Variants in C16orf96 observed in about 807,000 individuals in gnomAD.
C16orf96 encodes the protein chromosome 16 open reading frame 96, also known as uncharacterized protein C16orf96.
Under a neutral mutation model 103.6 loss-of-function variants are expected in C16orf96, and 108 were observed. The observed-to-expected ratio is 1.04, with a 90% CI of 0.89 to 1.22. The LOEUF is 1.22. Among genes scored for constraint, C16orf96 ranks in the 50% most tolerant of loss-of-function variants. The pLI, the probability that C16orf96 is intolerant of heterozygous loss-of-function variation, is 0.00. For missense variants in C16orf96, 1,586 were observed against 1,464.2 expected (o/e 1.08, Z -1.36); for synonymous variants, 566 against 593.5 (o/e 0.95, Z 0.67).
At chr16:4,539,797 A>G in the C16orf96 span, among the ~76,000 whole-genome samples, 210 of 152,284 alleles carry the variant, frequency 1.4e-3, 5 homozygotes, top group Admixed American at 0.013. Context: ...GTAAAACCTA[A>G]GATTGGTACT....
rs1197439120 is a variant in C16orf96, at chr16:4,575,199, T to C, written c.719T>C (p.Leu240Pro). ...GAAATTGGTTCATCACCACTGGACCTGTGGCAGTCTGTAGAGCAGCTCCCA... is the reference window on the plus strand; with the variant it reads ...GAAATTGGTTCATCACCACTGGACCCGTGGCAGTCTGTAGAGCAGCTCCCA... Reference protein sequence around the residue: ...TSEIGSSPLDLWQSVEQLPEA... With the variant: ...TSEIGSSPLDPWQSVEQLPEA... The change falls in exon 5 of 16, where the codon CTG (leucine) becomes CCG (proline). Residue 240 changes from leucine (L) to proline (P), a missense_variant. Physicochemically the swap from Leu to Pro is moderately conservative, Grantham distance 98. Transcript: ENST00000444310. The C allele has an allele frequency of 6.5e-7, 1 of 1,547,004 alleles. No individual in the cohort carries two copies. The highest frequency in any genetic ancestry group is 8.7e-7 in the Non-Finnish European group (1 of 1,146,912).
At chr16:4,562,461 CA>C (rs71402546) in intron 1 of C16orf96, among the ~76,000 whole-genome samples, 22 of 141,994 alleles carry the variant, frequency 1.5e-4, no homozygotes, top group African/African-American at 2.1e-4. Flanking sequence ...AAGACTGTGT[CA>C]AAAAAAAAAA....
At chr16:4,574,477 C>T (rs111815077) in intron 2 of C16orf96, among the ~76,000 whole-genome samples, 2 of 150,874 alleles carry the variant, frequency 1.3e-5, no homozygotes, top group Admixed American at 6.6e-5. Flanking sequence ...CCACCTTGAC[C>T]TCTCAAAGTG....
chr16:4,575,159 C>G lies in C16orf96; in HGVS notation c.694-15C>G. The stretch of plus-strand genomic sequence containing the variant: ...GCTGGAAGCCAGCAGAGCCCCTCTG[C>G]CCCCTCTTCTGCAGGAAATTGGTTC... On this transcript the variant is annotated splice_polypyrimidine_tract_variant and intron_variant, in intron 4 of 15. Transcript: ENST00000444310. The G allele has an allele frequency of 1.3e-6, 2 of 1,545,076 alleles. No individual in the cohort carries two copies. Among genetic ancestry groups the G allele is most frequent in the Non-Finnish European group, 1.7e-6 (2 of 1,146,270 alleles).
At chr16:4,550,671 G>A in the C16orf96 span, among the ~76,000 whole-genome samples, 3 of 152,158 alleles carry the variant, frequency 2.0e-5, no homozygotes, top group African/African-American at 7.2e-5. Flanking sequence ...TACGTGGAGG[G>A]TTTAAGGCAC....
rs2059504420 is a variant in C16orf96, at chr16:4,576,137, C to T, written c.1657C>T (p.Gln553Ter). The change falls in exon 5 of 16, where the codon CAG becomes TAG. Residue 553 changes from glutamine to a stop codon, truncating the protein, a stop_gained. Coordinates refer to ENST00000444310, the MANE Select transcript of C16orf96 (RefSeq NM_001145011.2). LOFTEE classifies it high-confidence loss of function. The part of the protein sequence containing the change: ...VGKDGAPKEA[Q>*]PKAPQSALHR... Reference sequence around the variant, plus strand: ...CAAGGATGGGGCCCCCAAGGAAGCACAGCCTAAGGCTCCCCAGTCTGCCCT... The same window carrying T: ...CAAGGATGGGGCCCCCAAGGAAGCATAGCCTAAGGCTCCCCAGTCTGCCCT... The T allele has an allele frequency of 2.6e-6, 4 of 1,551,476 alleles. 1 individual carries two copies. In the Admixed American group the frequency reaches 7.8e-5, roughly 30 times the overall value.
In C16orf96 at chr16:4,556,753, C is replaced by T. The variant is rs79620244; in HGVS notation, c.264C>T (p.Leu88=). ...SNVFDHVVSR[L]DKLENQLALL... is the part of the protein sequence containing the mutation. ...TCTTCGACCACGTGGTGAGCCGCCT[C>T]GACAAGTTGGAGAACCAGCTGGCCC... The change falls in exon 1 of 16, where the codon CTC becomes CTT. Residue 88 remains leucine (L), a synonymous_variant. Coordinates refer to ENST00000444310, the MANE Select transcript of C16orf96 (RefSeq NM_001145011.2). The T allele has an allele frequency of 1.2e-3, 1,878 of 1,551,752 alleles. 1 individual carries two copies. Among genetic ancestry groups the T allele is most frequent in the Non-Finnish European group, 1.6e-3 (1,798 of 1,147,008 alleles).
Position 4,579,875 on chromosome 16 carries a change from T to C in C16orf96, c.2242-140T>C, listed in dbSNP as rs965378680. ...ATCTACCCATCTTGGCCTCCCAAAG[T>C]GCTGGGATTACAGGCATGAGCCACC... On this transcript the variant is annotated intron_variant, in intron 6 of 15. Coordinates refer to ENST00000444310, the MANE Select transcript of C16orf96 (RefSeq NM_001145011.2). The C allele has an allele frequency of 3.1e-4, 198 of 646,386 alleles. 1 individual carries two copies. The highest frequency in any genetic ancestry group is 2.6e-3 in the Admixed American group (93 of 35,256). 40.0% of individuals were successfully genotyped at this position (646,386 alleles called of 1,614,324 possible).
rs952284119 is a variant in C16orf96 at position 4,556,619 on chromosome 16, A to G, written c.130A>G (p.Lys44Glu). Residue 44 changes from lysine (K) to glutamate (E), a missense_variant, in exon 1 of 16, where the codon AAA becomes GAA. Coordinates refer to ENST00000444310, the MANE Select transcript of C16orf96 (RefSeq NM_001145011.2). ...GCACATCCACATGGCCGAGCTCAAG[A>G]AAGTCCTCTCAGGCGATGAGGACTT... ...LEHIHMAELK[K>E]VLSGDEDFLQ... 6.4e-7 allele frequency: 1 copy of G among 1,551,730 alleles called. No homozygotes were observed. The highest frequency in any genetic ancestry group is 1.7e-4 in the Middle Eastern group (1 of 5,992).
rs1001611511 is a variant in C16orf96, at chr16:4,576,188, A to G, written c.1708A>G (p.Ile570Val). The G allele has an allele frequency of 6.4e-7, 1 of 1,550,416 alleles. No individual in the cohort carries two copies. Among genetic ancestry groups the G allele is most frequent in the Non-Finnish European group, 8.7e-7 (1 of 1,146,946 alleles). The change falls in exon 5 of 16, where the codon ATC becomes GTC. Residue 570 changes from isoleucine (I) to valine (V), a missense_variant. Physicochemically the swap from Ile to Val is conservative, Grantham distance 29. Coordinates refer to ENST00000444310, the MANE Select transcript of C16orf96 (RefSeq NM_001145011.2). ...ALHRLKTTAA[I>V]AAAAAAAYAA... Reference sequence around the variant, plus strand: ...TCACCGGCTGAAAACCACCGCTGCCATCGCCGCCGCTGCCGCCGCAGCCTA... The same window carrying G: ...TCACCGGCTGAAAACCACCGCTGCCGTCGCCGCCGCTGCCGCCGCAGCCTA...
At chr16:4,585,432 G>A (rs570049413) in intron 7 of C16orf96, among the ~76,000 whole-genome samples, 54 of 152,160 alleles carry the variant, frequency 3.5e-4, no homozygotes, top group African/African-American at 1.3e-3. Context: ...ACTCCAGCCT[G>A]AGTGACAGAG....
At position 4,576,349 on chromosome 16, in the gene C16orf96, C is replaced by T. The variant is rs376375171; in HGVS notation, c.1869C>T (p.Val623=). The change falls in exon 5 of 16, where the codon GTC becomes GTT. Residue 623 remains valine (V), a synonymous_variant. Transcript: ENST00000444310. The part of the protein sequence containing the change: ...AAGPLGVFAD[V]LGAGPSRGAT... ...GGCCCCTAGGGGTCTTTGCAGATGT[C>T]CTGGGTGCAGGGCCTTCCCGGGGAG... 9.0e-6 allele frequency: 14 copies of T among 1,550,876 alleles called. No homozygotes were observed. Among genetic ancestry groups the T allele is most frequent in the Non-Finnish European group, 1.1e-5 (13 of 1,146,998 alleles).
intron 7 of C16orf96, among the ~76,000 whole-genome samples, chr16:4,583,133 G>A (rs576175357): frequency 6.6e-6 from 1 of 152,272 alleles, no homozygotes; most frequent in East Asian, 1.9e-4. Flanking sequence ...AGCTACTCGG[G>A]AGGCTGAGGC....
At chr16:4,570,600 G>A (rs545568384) in intron 1 of C16orf96, among the ~76,000 whole-genome samples, 1 of 151,890 alleles carries the variant, frequency 6.6e-6, no homozygotes, top group East Asian at 1.9e-4. Context: ...GAGTAGCTGG[G>A]ATTACAGGCA....
At chr16:4,552,737 C>T (rs1193658450), upstream of C16orf96, among the ~76,000 whole-genome samples, 1 of 152,088 alleles carries the variant, frequency 6.6e-6, no homozygotes, top group Non-Finnish European at 1.5e-5. Flanking sequence ...GCATTGCAGA[C>T]CCTGCCAAAC....
Position 4,575,361 on chromosome 16 carries a change from C to T in C16orf96, c.881C>T (p.Ser294Phe). 6.4e-7 allele frequency: 1 copy of T among 1,551,210 alleles called. No individual in the cohort carries two copies. The highest frequency in any genetic ancestry group is 8.7e-7 in the Non-Finnish European group (1 of 1,147,000). The change falls in exon 5 of 16, where the codon TCT (serine) becomes TTT (phenylalanine). Residue 294 changes from serine (S) to phenylalanine (F), a missense_variant. Physicochemically the swap from Ser to Phe is radical, Grantham distance 155. Coordinates refer to ENST00000444310, the MANE Select transcript of C16orf96 (RefSeq NM_001145011.2). ...CCAGAGCTCCTCCCGGAGGGCTCATCTGCCCAAGCAGTTTCACTCAGCAGA... is the reference window on the plus strand; with the variant it reads ...CCAGAGCTCCTCCCGGAGGGCTCATTTGCCCAAGCAGTTTCACTCAGCAGA... ...EVPELLPEGS[S>F]AQAVSLSRAQ...
chr16:4,539,593 A>C, the C16orf96 span, among the ~76,000 whole-genome samples: 1 of 152,138 alleles, frequency 6.6e-6, no homozygotes. Context: ...GCTGAAGCCC[A>C]AAAATTGCTT....
intron 14 of C16orf96, among the ~76,000 whole-genome samples, chr16:4,596,482 C>G (rs1224386881): frequency 1.4e-5 from 1 of 73,792 alleles, no homozygotes; most frequent in Non-Finnish European, 2.9e-5. Flanking sequence ...GAGACTTCGT[C>G]TCAAAAAAAA....
At chr16:4,555,418 G>A (rs13337185), upstream of C16orf96, among the ~76,000 whole-genome samples, 12,013 of 151,716 alleles carry the variant, frequency 0.079, 835 homozygotes, top group African/African-American at 0.18. Context: ...CTGTCGCCCA[G>A]GCTGGAGTGC....
Sources: gnomAD v4.1 joint callset for allele counts (sites outside exome capture counted in the v4.1 genomes callset) on GRCh38, gnomAD v4.1.1 for gene constraint, MANE v1.5 for transcripts, NCBI Gene and HGNC (gene_info 2026-07-23, HGNC 2026-07-21) for gene names.